Variants in SLC39A11 observed in about 807,000 individuals in gnomAD.
SLC39A11 encodes the protein solute carrier family 39 member 11, also known as zinc transporter ZIP11.
SLC39A11 carries 33 observed loss-of-function variants against 36.1 expected under a neutral mutation model. That is an observed-to-expected ratio of 0.91 (90% CI 0.69 to 1.22). The LOEUF is 1.22. Ranked by LOEUF, SLC39A11 falls within the 50% of genes most tolerant of loss-of-function variation. The probability of loss-of-function intolerance (pLI) is 0.00; values close to 1 mark genes in which losing one functional copy is unlikely to be tolerated. For missense variants in SLC39A11, 432 were observed against 430.3 expected (o/e 1.00, Z -0.03); for synonymous variants, 166 against 170.3 (o/e 0.97, Z 0.20).
At chr17:72,895,094 T>C (rs1181803032) in intron 5 of SLC39A11, among the ~76,000 whole-genome samples, 1 of 151,170 alleles carries the variant, frequency 6.6e-6, no homozygotes, top group African/African-American at 2.5e-5. Flanking sequence ...GCTAGTTGCA[T>C]TGGTGGGTGC....
At chr17:73,003,411 T>G (rs2148412688) in intron 4 of SLC39A11, among the ~76,000 whole-genome samples, 1 of 152,166 alleles carries the variant, frequency 6.6e-6, no homozygotes, top group African/African-American at 2.4e-5. Flanking sequence ...GGGTGGAGAC[T>G]GATGGAGAAC....
chr17:72,927,131 C>G (rs1380863214), intron 5 of SLC39A11, among the ~76,000 whole-genome samples: 1 of 152,158 alleles, frequency 6.6e-6, no homozygotes. Flanking sequence ...ACAGCAACCT[C>G]CACCTCCTGG....
intron 3 of SLC39A11, among the ~76,000 whole-genome samples, chr17:73,032,556 T>C (rs1470354525): frequency 1.3e-5 from 2 of 152,216 alleles, no homozygotes; most frequent in Non-Finnish European, 2.9e-5. Flanking sequence ...TGCTCACTAC[T>C]TCACGAGTTC....
intron 6 of SLC39A11, among the ~76,000 whole-genome samples, chr17:72,780,859 C>T (rs562286823): frequency 0.037 from 5,619 of 152,082 alleles, 328 homozygotes; most frequent in African/African-American, 0.13. Context: ...TGGTGGCAAA[C>T]GTCTGTAATC....
chr17:73,005,948 C>T (rs939929364), intron 4 of SLC39A11, among the ~76,000 whole-genome samples: 1 of 151,886 alleles, frequency 6.6e-6, no homozygotes, highest in African/African-American at 2.4e-5. Flanking sequence ...AAGACTCCGA[C>T]TCAAAAAATA....
At chr17:72,928,425 C>A (rs1343616326) in intron 5 of SLC39A11, among the ~76,000 whole-genome samples, 2 of 152,140 alleles carry the variant, frequency 1.3e-5, no homozygotes, top group Non-Finnish European at 2.9e-5. Flanking sequence ...AACAAAGGGA[C>A]CATCAGGAAT....
chr17:72,706,958 G>C (rs954480473), intron 7 of SLC39A11, among the ~76,000 whole-genome samples: 1 of 152,186 alleles, frequency 6.6e-6, no homozygotes, highest in Non-Finnish European at 1.5e-5. Context: ...TCTAGGGCCG[G>C]GCTCTATCCA....
intron 7 of SLC39A11, among the ~76,000 whole-genome samples, chr17:72,649,921 G>A (rs1168952313): frequency 6.6e-6 from 1 of 152,140 alleles, no homozygotes; most frequent in Non-Finnish European, 1.5e-5. Flanking sequence ...ATACAATTTA[G>A]GGACAACAAT....
chr17:73,042,390 T>C (rs893517245), intron 3 of SLC39A11, among the ~76,000 whole-genome samples: 5 of 152,196 alleles, frequency 3.3e-5, no homozygotes, highest in Admixed American at 2.0e-4. Flanking sequence ...GTGCCTACTA[T>C]GGAGCAGATC....
chr17:72,717,938 C>A (rs1195455518), intron 7 of SLC39A11, among the ~76,000 whole-genome samples: 1 of 152,312 alleles, frequency 6.6e-6, no homozygotes, highest in Non-Finnish European at 1.5e-5. Context: ...TCCCTTCTTT[C>A]CCCCTTCCTG....
chr17:73,047,003 CCTT>C (rs1375623218), intron 3 of SLC39A11, among the ~76,000 whole-genome samples: 2 of 150,836 alleles, frequency 1.3e-5, no homozygotes, highest in Admixed American at 6.7e-5. Context: ...AGAAGAACCA[CCTT>C]CTTCTTTTTT....
intron 2 of SLC39A11, among the ~76,000 whole-genome samples, chr17:73,087,903 G>C (rs1238951012): frequency 6.6e-6 from 1 of 152,138 alleles, no homozygotes; most frequent in Non-Finnish European, 1.5e-5. Flanking sequence ...TTCTCCCAAG[G>C]TCTTTCCAAC....
At chr17:72,993,621 G>A (rs548533051) in intron 4 of SLC39A11, among the ~76,000 whole-genome samples, 1 of 152,254 alleles carries the variant, frequency 6.6e-6, no homozygotes, top group Non-Finnish European at 1.5e-5. Context: ...TGGCAACTCT[G>A]CCATGTTCCA....
chr17:72,821,591 CA>C (rs1225513280), intron 6 of SLC39A11: 1 of 143,662 alleles, frequency 7.0e-6, no homozygotes, highest in Non-Finnish European at 1.5e-5. Flanking sequence ...AAAAGACATA[CA>C]CACAGCACAG....
chr17:73,065,444 G>A (rs1162677593), intron 3 of SLC39A11, among the ~76,000 whole-genome samples: 1 of 152,068 alleles, frequency 6.6e-6, no homozygotes, highest in Non-Finnish European at 1.5e-5. Context: ...GGTAATACAA[G>A]AGCAGGTTAA....
intron 7 of SLC39A11, among the ~76,000 whole-genome samples, chr17:72,720,105 G>A (rs1452411954): frequency 2.0e-5 from 3 of 152,154 alleles, no homozygotes; most frequent in African/African-American, 4.8e-5. Flanking sequence ...TCTGGGTCCC[G>A]TGCAGAGCAT....
intron 3 of SLC39A11, among the ~76,000 whole-genome samples, chr17:73,035,767 GA>G (rs2143209731): frequency 6.8e-6 from 1 of 146,416 alleles, no homozygotes; most frequent in South Asian, 2.2e-4. Context: ...AGGAGGCTGA[GA>G]CCAGAGAATC....
At chr17:72,868,700 T>G (rs1045314569) in intron 5 of SLC39A11, among the ~76,000 whole-genome samples, 2 of 150,064 alleles carry the variant, frequency 1.3e-5, no homozygotes, top group African/African-American at 4.9e-5. Context: ...GCCCAGCTAC[T>G]TGGGAGGCTG....
At chr17:72,929,601 C>G (rs575188046) in intron 5 of SLC39A11, among the ~76,000 whole-genome samples, 1 of 152,166 alleles carries the variant, frequency 6.6e-6, no homozygotes, top group South Asian at 2.1e-4. Context: ...TAAAAAATTC[C>G]CAAATATTGA....
Sources: gnomAD v4.1 joint callset for allele counts (sites outside exome capture counted in the v4.1 genomes callset) on GRCh38, gnomAD v4.1.1 for gene constraint, MANE v1.5 for transcripts, NCBI Gene and HGNC (gene_info 2026-07-23, HGNC 2026-07-21) for gene names.